Variants in C13orf42 observed in about 807,000 individuals in gnomAD.
The protein encoded by C13orf42 is chromosome 13 open reading frame 42.
chr13:51,142,560 C>A (rs1953703094), intron 1 of C13orf42, among the ~76,000 whole-genome samples: 2 of 146,940 alleles, frequency 1.4e-5, no homozygotes, highest in Admixed American at 6.8e-5. Context: ...TGGGTGTTTT[C>A]CAATAAATAT....
chr13:51,084,890 G>A (rs1337209439), intron 3 of C13orf42, among the ~76,000 whole-genome samples: 2 of 152,212 alleles, frequency 1.3e-5, no homozygotes, highest in Non-Finnish European at 2.9e-5. Flanking sequence ...TCTACATCTT[G>A]GAGCCTGCCC....
chr13:51,097,406 A>G (rs1016493325), intron 1 of C13orf42, among the ~76,000 whole-genome samples: 1 of 152,176 alleles, frequency 6.6e-6, no homozygotes, highest in Non-Finnish European at 1.5e-5. Context: ...TATAAATTAT[A>G]CTTTTAAAGG....
intron 1 of C13orf42, among the ~76,000 whole-genome samples, chr13:51,171,771 T>A (rs1953955288): frequency 6.6e-6 from 1 of 152,128 alleles, no homozygotes; most frequent in South Asian, 2.1e-4. Context: ...TCAGATAGCG[T>A]TTAGGCTCTT....
chr13:51,142,769 T>A (rs897547846), intron 1 of C13orf42, among the ~76,000 whole-genome samples: 1 of 151,956 alleles, frequency 6.6e-6, no homozygotes, highest in Non-Finnish European at 1.5e-5. Flanking sequence ...GTAATTTTTT[T>A]AGGTAAAAAA....
At chr13:51,116,703 C>T (rs1384290423) in intron 1 of C13orf42, among the ~76,000 whole-genome samples, 2 of 152,258 alleles carry the variant, frequency 1.3e-5, no homozygotes, top group Non-Finnish European at 2.9e-5. Flanking sequence ...TATGTACAAA[C>T]CATTCCAAGA....
chr13:51,093,386 T>A (rs1209453033), intron 1 of C13orf42, among the ~76,000 whole-genome samples: 1 of 152,204 alleles, frequency 6.6e-6, no homozygotes, highest in Admixed American at 6.5e-5. Flanking sequence ...ATGTTCTACA[T>A]CTGCACTGTC....
intron 1 of C13orf42, among the ~76,000 whole-genome samples, chr13:51,149,312 G>GA (rs60935214): frequency 0.42 from 42,786 of 102,880 alleles, 7,552 homozygotes; most frequent in Non-Finnish European, 0.5. Flanking sequence ...GGCTGAAATT[G>GA]AAAAAAAAAA....
chr13:51,158,017 C>A (rs557147974), intron 1 of C13orf42, among the ~76,000 whole-genome samples: 2 of 152,302 alleles, frequency 1.3e-5, no homozygotes, highest in South Asian at 4.1e-4. Context: ...CAAACAACAA[C>A]AAAAAACCAG....
At chr13:51,169,370 A>T in intron 1 of C13orf42, among the ~76,000 whole-genome samples, 1 of 152,228 alleles carries the variant, frequency 6.6e-6, no homozygotes, top group Non-Finnish European at 1.5e-5. Flanking sequence ...CTGAAACTGG[A>T]AGCAGAGTGT....
intron 1 of C13orf42, among the ~76,000 whole-genome samples, chr13:51,135,674 G>C (rs1953652265): frequency 6.6e-6 from 1 of 150,958 alleles, no homozygotes; most frequent in Non-Finnish European, 1.5e-5. Flanking sequence ...AGAAATAAAA[G>C]AAAAAGAAAA....
At chr13:51,113,073 G>A (rs1293858910), upstream of C13orf42, 2 of 152,164 alleles carry the variant, frequency 1.3e-5, no homozygotes, top group Non-Finnish European at 2.9e-5. Context: ...CATGGATTTA[G>A]AGAGTTTAAA....
chr13:51,164,138 A>G (rs1265154843), intron 1 of C13orf42, among the ~76,000 whole-genome samples: 1 of 152,236 alleles, frequency 6.6e-6, no homozygotes, highest in Non-Finnish European at 1.5e-5. Flanking sequence ...CGCTCAACTC[A>G]ATGGATTACG....
Position 51,088,886 on chromosome 13 carries a change from C to G in C13orf42, c.415-811G>C, listed in dbSNP as rs1953155965. The stretch of plus-strand genomic sequence containing the variant: ...CTTTCCTGACTGTTCCCTTCATGAT[C>G]TTCACAACAATCCCGTCATGAGTGA... On this transcript the variant is annotated intron_variant, in intron 1 of 3. Coordinates refer to ENST00000563710, the MANE Select transcript of C13orf42 (RefSeq NM_001351589.3). Among the ~76,000 whole-genome samples, 2 of 152,122 alleles carry G rather than the reference C, an allele frequency of 1.3e-5. 1 individual carries two copies. The highest frequency in any genetic ancestry group is 4.1e-4 in the South Asian group (2 of 4,830).
intron 1 of C13orf42, among the ~76,000 whole-genome samples, chr13:51,135,583 T>C (rs1442431050): frequency 1.3e-5 from 2 of 149,924 alleles, no homozygotes; most frequent in Admixed American, 1.3e-4. Flanking sequence ...AGCCCAGGAA[T>C]CCGAGGCTGC....
chr13:51,120,901 C>T (rs1953529459), intron 1 of C13orf42, among the ~76,000 whole-genome samples: 1 of 152,166 alleles, frequency 6.6e-6, no homozygotes, highest in South Asian at 2.1e-4. Context: ...GTAATCCCAG[C>T]TACTCGAGAG....
chr13:51,094,967 G>C (rs1953217332), intron 1 of C13orf42, among the ~76,000 whole-genome samples: 1 of 152,100 alleles, frequency 6.6e-6, no homozygotes, highest in Admixed American at 6.6e-5. Flanking sequence ...AGATCTGATG[G>C]TTTTATAAAG....
chr13:51,108,529 G>T (rs541720106), intron 1 of C13orf42, among the ~76,000 whole-genome samples: 1 of 152,206 alleles, frequency 6.6e-6, no homozygotes, highest in East Asian at 1.9e-4. Flanking sequence ...AGCTGTTTCT[G>T]TCAGAGCCAT....
In C13orf42 at chr13:51,082,635, G is replaced by A. The variant is rs2137967857; in HGVS notation, c.*1516C>T. On this transcript the variant is annotated 3_prime_UTR_variant, in exon 4 of 4. Transcript: ENST00000563710. ...AAAAGATCTGTGGTGATAAATGGCA[G>A]TGCTTTAATGCAGTTTATAAAACAA... 1 of 152,312 alleles carries A rather than the reference G, an allele frequency of 6.6e-6. No homozygotes were observed. Among genetic ancestry groups the A allele is most frequent in the Middle Eastern group, 3.4e-3 (1 of 294 alleles). 9.4% of individuals were successfully genotyped at this position (152,312 alleles called of 1,614,324 possible).
rs139620266 is a variant in C13orf42, at chr13:51,168,471, T to C, written n.136+3782A>G. Among the ~76,000 whole-genome samples, 36 of 152,330 alleles carry C rather than the reference T, an allele frequency of 2.4e-4. No homozygotes were observed. In the East Asian group the frequency reaches 5.8e-3, roughly 24 times the overall value. ...CAAAGTTCTGACAAGTGGGAAGTAG[T>C]TGGAAGTGGTGAGCTTCTTCTAAGT... On this transcript the variant is annotated intron_variant and non_coding_transcript_variant, in intron 1 of 4. Coordinates refer to the C13orf42 transcript ENST00000433280.
Sources: gnomAD v4.1 joint callset for allele counts (sites outside exome capture counted in the v4.1 genomes callset) on GRCh38, gnomAD v4.1.1 for gene constraint, MANE v1.5 for transcripts, NCBI Gene and HGNC (gene_info 2026-07-23, HGNC 2026-07-21) for gene names.